The following SEPTIN9 variants were observed in gnomAD, a reference collection of about 807,000 sequenced individuals.
SEPTIN9 encodes septin 9, also known as septin-9.
SEPTIN9 carries 13 observed loss-of-function variants against 56.6 expected under a neutral mutation model. The observed-to-expected ratio is 0.23, with a 90% confidence interval of 0.15 to 0.37. The LOEUF (loss-of-function observed/expected upper bound fraction) is 0.37. Among genes scored for constraint, SEPTIN9 ranks in the 10% least tolerant of loss-of-function variants. The pLI is 1.00. For missense variants in SEPTIN9, 650 were observed against 823.1 expected (o/e 0.79, Z 2.57); for synonymous variants, 332 against 334.1 (o/e 0.99, Z 0.07).
intron 4 of SEPTIN9, among the ~76,000 whole-genome samples, chr17:77,486,847 G>A (rs923397528): frequency 1.3e-5 from 2 of 152,206 alleles, no homozygotes; most frequent in African/African-American, 2.4e-5. Flanking sequence ...TGGGACATGC[G>A]TGAGCCTGCC....
intron 3 of SEPTIN9, among the ~76,000 whole-genome samples, chr17:77,406,887 T>A (rs138552375): frequency 0.019 from 2,947 of 152,134 alleles, 71 homozygotes; most frequent in South Asian, 0.075. Context: ...GCCAGGCTGG[T>A]CTCGAACTCC....
intron 2 of SEPTIN9, among the ~76,000 whole-genome samples, chr17:77,351,228 AACACACACACACACAC>A (rs10537405): frequency 2.0e-4 from 29 of 144,762 alleles, no homozygotes; most frequent in South Asian, 9.0e-4. Flanking sequence ...GCGTGCACAC[AACACACACACACACAC>A]ACACACACAC....
At chr17:77,401,720 CAA>C (rs139887327) in intron 2 of SEPTIN9, among the ~76,000 whole-genome samples, 1 of 143,340 alleles carries the variant, frequency 7.0e-6, no homozygotes. Flanking sequence ...GACTCCATCT[CAA>C]AAAAAAAAAG....
intron 2 of SEPTIN9, among the ~76,000 whole-genome samples, chr17:77,396,142 G>A (rs953290769): frequency 6.6e-6 from 1 of 152,166 alleles, no homozygotes; most frequent in Non-Finnish European, 1.5e-5. Context: ...TGCTCTATGG[G>A]TGGGGGGGTG....
intron 3 of SEPTIN9, among the ~76,000 whole-genome samples, chr17:77,403,491 T>C (rs2035971498): frequency 6.6e-6 from 1 of 152,108 alleles, no homozygotes; most frequent in Non-Finnish European, 1.5e-5. Flanking sequence ...AGGCAGGGGA[T>C]TGGTGCCAGT....
rs553115738 is a variant in SEPTIN9, at chr17:77,433,323, C to A, written c.721+30620C>A. ...CCCCTTCACTGGCCATTGCCTGAGA[C>A]CCGACCTGGTGGCTCCTGCCCCAAG... is the stretch of plus-strand genomic sequence containing the variant. On this transcript the variant is annotated intron_variant, in intron 3 of 11. Transcript: ENST00000427177. This position sits in a 1 kb window ranked among gnomAD's most constrained non-coding sequence, Gnocchi z 6.4. Among the ~76,000 whole-genome samples the A allele has an allele frequency of 6.6e-6, 1 of 152,058 alleles. No individual in the cohort carries two copies. The highest frequency in any genetic ancestry group is 1.9e-4 in the East Asian group (1 of 5,180).
intron 3 of SEPTIN9, among the ~76,000 whole-genome samples, chr17:77,413,266 G>A (rs967266502): frequency 1.3e-5 from 2 of 152,122 alleles, no homozygotes; most frequent in Non-Finnish European, 2.9e-5. Context: ...ATTCACTCGT[G>A]AAACCATCTG....
chr17:77,487,372 C>T lies in SEPTIN9; in HGVS notation c.914-52C>T. On this transcript the variant is annotated intron_variant, in intron 4 of 11. Transcript: ENST00000427177. The surrounding 1 kb of genome is among the most constrained non-coding windows in gnomAD (Gnocchi z 4.3). ...GGTGGGAGGGGCCCCATGTGCAGACCCTGCTGGTCTCTCCGGAGAGACCCC... is the reference window on the plus strand; with the variant it reads ...GGTGGGAGGGGCCCCATGTGCAGACTCTGCTGGTCTCTCCGGAGAGACCCC... 1 of 1,558,556 alleles carries T rather than the reference C, an allele frequency of 6.4e-7. No individual in the cohort carries two copies. Among genetic ancestry groups the T allele is most frequent in the Admixed American group, 1.9e-5 (1 of 51,820 alleles).
intron 3 of SEPTIN9, among the ~76,000 whole-genome samples, chr17:77,464,686 C>T (rs915338697): frequency 2.6e-5 from 4 of 151,326 alleles, no homozygotes; most frequent in African/African-American, 9.7e-5. Flanking sequence ...CTGCAAGCTT[C>T]GCCTCCCAGG....
chr17:77,358,927 G>A (rs959880209), intron 2 of SEPTIN9, among the ~76,000 whole-genome samples: 1 of 152,088 alleles, frequency 6.6e-6, no homozygotes, highest in Non-Finnish European at 1.5e-5. Flanking sequence ...AGTGTCAGTC[G>A]TTATGGGGGC....
At chr17:77,379,787 AC>A (rs2035072621) in intron 2 of SEPTIN9, among the ~76,000 whole-genome samples, 3 of 151,166 alleles carry the variant, frequency 2.0e-5, no homozygotes, top group South Asian at 2.1e-4. Flanking sequence ...CGATTCCGCC[AC>A]CCCCTCCCCC....
rs1410813207 is a variant in SEPTIN9, at chr17:77,310,685, T to C, written c.76+3488T>C. 1.3e-5 allele frequency among the ~76,000 whole-genome samples: 2 copies of C among 152,138 alleles called. No homozygotes were observed. Among genetic ancestry groups the C allele is most frequent in the Non-Finnish European group, 2.9e-5 (2 of 68,014 alleles). On this transcript the variant is annotated intron_variant, in intron 2 of 11. Coordinates refer to ENST00000427177, the MANE Select transcript of SEPTIN9 (RefSeq NM_001113491.2). This position sits in a 1 kb window ranked among gnomAD's most constrained non-coding sequence, Gnocchi z 4.7. ...AGTGGCCTTCTGGTAGGCTCTCCCA[T>C]GTTCGCTCATTTTCTGTGCCTCAGG...
In SEPTIN9 at chr17:77,320,098, C is replaced by A. The variant is rs1703313465; in HGVS notation, c.76+12901C>A. The stretch of plus-strand genomic sequence containing the variant: ...TTCCTCCCGTTTTGAAGAGACAATG[C>A]TACTTCAGTTTGGAGCACAAACATA... On this transcript the variant is annotated intron_variant, in intron 2 of 11. Coordinates refer to ENST00000427177, the MANE Select transcript of SEPTIN9 (RefSeq NM_001113491.2). 3 of 1,445,078 alleles carry A rather than the reference C, an allele frequency of 2.1e-6. No homozygotes were observed. The African/African-American group carries it at 4.3e-5, about 21-fold the overall frequency. The allele number at this position is 1,445,078 out of a possible 1,614,324, so 89.5% of individuals were successfully genotyped here.
intron 2 of SEPTIN9, among the ~76,000 whole-genome samples, chr17:77,335,334 A>G (rs1489681752): frequency 6.7e-6 from 1 of 150,372 alleles, no homozygotes; most frequent in African/African-American, 2.4e-5. Context: ...TGTTGACTGT[A>G]TATGTGGTCC....
At chr17:77,454,383 G>T in intron 3 of SEPTIN9, 1 of 985,520 alleles carries the variant, frequency 1.0e-6, no homozygotes, top group South Asian at 4.7e-5. Context: ...TGTTCCCGGA[G>T]CTCAGCAGAG....
At chr17:77,350,600 C>T (rs1276762043) in intron 2 of SEPTIN9, among the ~76,000 whole-genome samples, 1 of 124,724 alleles carries the variant, frequency 8.0e-6, no homozygotes, top group South Asian at 2.6e-4. Flanking sequence ...TCTCTTCTCT[C>T]CTCCAGTGCA....
intron 1 of SEPTIN9, among the ~76,000 whole-genome samples, chr17:77,286,969 C>G (rs1392678755): frequency 6.6e-6 from 1 of 152,224 alleles, no homozygotes; most frequent in African/African-American, 2.4e-5. Flanking sequence ...CATCCCAGCT[C>G]TAGGCGGTTG....
chr17:77,460,632 G>C (rs1461014035), intron 3 of SEPTIN9, among the ~76,000 whole-genome samples: 1 of 152,128 alleles, frequency 6.6e-6, no homozygotes, highest in Admixed American at 6.5e-5. Context: ...AACCGCGGGG[G>C]CCACCCCCAG....
intron 2 of SEPTIN9, among the ~76,000 whole-genome samples, chr17:77,390,138 C>G (rs1361943509): frequency 6.6e-6 from 1 of 151,870 alleles, no homozygotes; most frequent in African/African-American, 2.4e-5. Context: ...TCCTCTGGAG[C>G]CTTTACTGTG....
Sources: gnomAD v4.1 joint callset for allele counts (sites outside exome capture counted in the v4.1 genomes callset) on GRCh38, gnomAD v4.1.1 for gene constraint, Gnocchi (gnomAD v3.1) non-coding constraint, MANE v1.5 for transcripts, NCBI Gene and HGNC (gene_info 2026-07-23, HGNC 2026-07-21) for gene names.